Variants in SLC25A17 observed in about 807,000 individuals in gnomAD.
The protein encoded by SLC25A17 is peroxisomal membrane protein PMP34.
A neutral mutation model predicts 38.5 loss-of-function variants in SLC25A17; 26 were observed. The ratio of observed to expected loss-of-function variants is 0.68; its 90% confidence interval spans 0.50 to 0.94. The LOEUF (loss-of-function observed/expected upper bound fraction) is 0.94. Ranked by LOEUF, SLC25A17 falls within the 40% of genes least tolerant of loss-of-function variation. The pLI, the probability that SLC25A17 is intolerant of heterozygous loss-of-function variation, is 0.00. For missense variants in SLC25A17, 333 were observed against 372.7 expected (o/e 0.89, Z 0.88); for synonymous variants, 139 against 136.2 (o/e 1.02, Z -0.14).
intron 4 of SLC25A17, among the ~76,000 whole-genome samples, chr22:40,785,804 G>GTT (rs774433769): frequency 6.7e-6 from 1 of 148,234 alleles, no homozygotes. Context: ...CTGCTAATTG[G>GTT]TTTTTTTTTT....
chr22:40,804,142 T>C (rs1013134315), intron 1 of SLC25A17, among the ~76,000 whole-genome samples: 3 of 152,120 alleles, frequency 2.0e-5, no homozygotes, highest in African/African-American at 7.2e-5. Context: ...CAATTCGGGC[T>C]TCAAAGGACT....
rs138301 is a variant in SLC25A17, at chr22:40,790,340, CAAA to C, written c.334+2182_334+2184del. Among the ~76,000 whole-genome samples, 222 of 61,212 alleles carry C rather than the reference CAAA, an allele frequency of 3.6e-3. 2 individuals carry two copies. Among genetic ancestry groups the C allele is most frequent in the African/African-American group, 0.014 (204 of 15,014 alleles). The allele number at this position is 61,212 out of a possible 152,430, so 40.2% of individuals were successfully genotyped here. On this transcript the variant is annotated intron_variant, in intron 4 of 8. Coordinates refer to ENST00000435456, the MANE Select transcript of SLC25A17 (RefSeq NM_006358.4). Reference sequence around the variant, plus strand: ...TGGGCAACAGAGTGAGACACAATCTCAAAAAAAAAAAAAAAAAAAAAAGTGGAA... The same window carrying C: ...TGGGCAACAGAGTGAGACACAATCTCAAAAAAAAAAAAAAAAAAAGTGGAA...
At chr22:40,783,107 A>G (rs2057308637) in intron 4 of SLC25A17, among the ~76,000 whole-genome samples, 1 of 152,206 alleles carries the variant, frequency 6.6e-6, no homozygotes, top group Non-Finnish European at 1.5e-5. Flanking sequence ...TGTTATGAAG[A>G]GAAGTTTAAA....
In SLC25A17 at chr22:40,819,298, G is replaced by C. The variant is rs759943186; in HGVS notation, c.-50C>G. 1.2e-6 allele frequency: 2 copies of C among 1,601,964 alleles called. No homozygotes were observed. Among genetic ancestry groups the C allele is most frequent in the Non-Finnish European group, 1.7e-6 (2 of 1,171,028 alleles). On this transcript the variant is annotated 5_prime_UTR_variant, in exon 1 of 9. Coordinates refer to ENST00000435456, the MANE Select transcript of SLC25A17 (RefSeq NM_006358.4). ...CCACACTTTTCCCACAGATGCCGCA[G>C]CCAGTGGAGTTAGGAAAGGAGCACC...
At chr22:40,785,338 C>T (rs1430815286) in intron 4 of SLC25A17, among the ~76,000 whole-genome samples, 2 of 152,192 alleles carry the variant, frequency 1.3e-5, no homozygotes, top group Non-Finnish European at 1.5e-5. Flanking sequence ...GAGCGGAGAT[C>T]GCGCCACTGC....
At chr22:40,781,246 A>T (rs2057291410) in intron 4 of SLC25A17, among the ~76,000 whole-genome samples, 1 of 150,430 alleles carries the variant, frequency 6.6e-6, no homozygotes, top group South Asian at 2.1e-4. Flanking sequence ...GACTAAAAGG[A>T]TTCTTTTTTT....
intron 1 of SLC25A17, among the ~76,000 whole-genome samples, chr22:40,801,167 A>ATATG (rs1306844315): frequency 3.0e-4 from 38 of 125,718 alleles, no homozygotes; most frequent in Non-Finnish European, 4.1e-4. Flanking sequence ...ATATATATAT[A>ATATG]TGTAAATGAT....
intron 1 of SLC25A17, chr22:40,813,789 C>T (rs1018799924): frequency 6.6e-6 from 1 of 152,384 alleles, no homozygotes; most frequent in African/African-American, 2.4e-5. Context: ...TGGCACTCAA[C>T]AATTGTTGGT....
chr22:40,778,912 G>T (rs1432037985), intron 5 of SLC25A17, 97 bp downstream of exon 5: 2 of 1,021,266 alleles, frequency 2.0e-6, no homozygotes, highest in East Asian at 4.8e-5. Context: ...TCAAAAAGTG[G>T]GCAAAGGATA....
At chr22:40,796,867 G>A (rs1267358214) in intron 2 of SLC25A17, among the ~76,000 whole-genome samples, 2 of 152,162 alleles carry the variant, frequency 1.3e-5, no homozygotes, top group Non-Finnish European at 2.9e-5. Flanking sequence ...ACACTCCACG[G>A]CTGTAAGACA....
At position 40,799,032 on chromosome 22, in the gene SLC25A17, G is replaced by A. The variant is rs760708905; in HGVS notation, c.106C>T (p.Arg36Ter). The change falls in exon 2 of 9, where the codon CGA (arginine) becomes TGA (stop). Residue 36 changes from arginine (R) to a stop codon, truncating the protein, a stop_gained. Coordinates refer to ENST00000435456, the MANE Select transcript of SLC25A17 (RefSeq NM_006358.4). LOFTEE classifies it high-confidence loss of function. ...VFFPLDTARL[R>*]LQVDEKRKSK... The stretch of plus-strand genomic sequence containing the variant: ...TATGATTTCTACTTACCCTGAAGTC[G>A]AAGTCTAGCTGTATCCAGGGGAAAA... 2 of 1,610,890 alleles carry A rather than the reference G, an allele frequency of 1.2e-6. No homozygotes were observed. The highest frequency in any genetic ancestry group is 2.2e-5 in the East Asian group (1 of 44,854).
intron 1 of SLC25A17, among the ~76,000 whole-genome samples, chr22:40,814,178 C>A (rs1189607641): frequency 6.6e-6 from 1 of 152,188 alleles, no homozygotes; most frequent in Non-Finnish European, 1.5e-5. Flanking sequence ...TCAGTCCTTA[C>A]CAGAAGACTC....
chr22:40,787,419 T>C (rs990567738), intron 4 of SLC25A17, among the ~76,000 whole-genome samples: 4 of 152,146 alleles, frequency 2.6e-5, no homozygotes, highest in African/African-American at 9.7e-5. Flanking sequence ...TTACTAGAAG[T>C]GGAAGAGCAC....
intron 1 of SLC25A17, among the ~76,000 whole-genome samples, chr22:40,816,455 C>G (rs990424570): frequency 8.5e-5 from 13 of 152,066 alleles, no homozygotes; most frequent in African/African-American, 2.4e-4. Context: ...ACGACCATGG[C>G]AATGTTGGGT....
chr22:40,816,735 C>T (rs903276679), intron 1 of SLC25A17, among the ~76,000 whole-genome samples: 5 of 151,902 alleles, frequency 3.3e-5, no homozygotes, highest in African/African-American at 4.8e-5. Flanking sequence ...TTCAGCCTCC[C>T]GAGTAGCTGG....
intron 7 of SLC25A17, among the ~76,000 whole-genome samples, chr22:40,775,787 T>A (rs117235525): frequency 0.015 from 2,288 of 152,212 alleles, 21 homozygotes; most frequent in Non-Finnish European, 0.022. Context: ...ATAGGAGGAG[T>A]TCCCCCTGCA....
intron 4 of SLC25A17, among the ~76,000 whole-genome samples, chr22:40,786,180 G>A (rs984317190): frequency 2.0e-5 from 3 of 152,126 alleles, no homozygotes; most frequent in Non-Finnish European, 2.9e-5. Flanking sequence ...GCATGGTGGT[G>A]TGTGCTTGTA....
intron 1 of SLC25A17, among the ~76,000 whole-genome samples, chr22:40,802,928 T>C (rs1439557020): frequency 6.6e-6 from 1 of 152,230 alleles, no homozygotes; most frequent in African/African-American, 2.4e-5. Flanking sequence ...TAGGGTGCAG[T>C]GTAGTGTTTC....
intron 4 of SLC25A17, chr22:40,779,365 A>G (rs1206341411): frequency 9.6e-7 from 1 of 1,040,460 alleles, no homozygotes; most frequent in Admixed American, 2.9e-5. Flanking sequence ...GAAGAGCAAT[A>G]AGTTCCCTCA....
Sources: allele counts gnomAD v4.1 joint callset (sites outside exome capture counted in the v4.1 genomes callset), GRCh38; gene constraint gnomAD v4.1.1; transcripts MANE v1.5; gene names NCBI Gene and HGNC (gene_info 2026-07-23, HGNC 2026-07-21).